Variants in ACAD8 observed in about 807,000 individuals in gnomAD.
ACAD8 encodes the protein isobutyryl-CoA dehydrogenase, mitochondrial.
Under a neutral mutation model 53.1 loss-of-function variants are expected in ACAD8, and 47 were observed. The ratio of observed to expected loss-of-function variants is 0.89; its 90% CI spans 0.70 to 1.13. The LOEUF is 1.13. Among genes scored for constraint, ACAD8 ranks in the 50% most tolerant of loss-of-function variants. The pLI is 0.00. For synonymous variants in ACAD8, 198 were observed against 201.3 expected, an observed-to-expected ratio of 0.98 and a Z score of 0.14; for missense variants, 494 against 535.0, an observed-to-expected ratio of 0.92 and a Z score of 0.76.
intron 1 of ACAD8, among the ~76,000 whole-genome samples, chr11:134,254,337 A>C (rs1939346449): frequency 2.0e-5 from 3 of 152,196 alleles, no homozygotes; most frequent in South Asian, 4.1e-4. Flanking sequence ...AGGAAAAATA[A>C]TTATTATTGC....
rs937253267 is a variant in ACAD8 at position 134,265,193 on chromosome 11, A to G, written c.*233A>G. On this transcript the variant is annotated 3_prime_UTR_variant, in exon 11 of 11. Coordinates refer to ENST00000281182, the MANE Select transcript of ACAD8 (RefSeq NM_014384.3). ...GAGAAACATCAGAAGAACACATACT[A>G]CCTTGTTTTCCTAATGCCAGAAGGG... 2.8e-5 allele frequency: 16 copies of G among 578,122 alleles called. No homozygotes were observed. The highest frequency in any genetic ancestry group is 2.6e-4 in the African/African-American group (14 of 53,610). The allele number at this position is 578,122 out of a possible 1,614,324, so 35.8% of individuals were successfully genotyped here. A position where few individuals can be genotyped will look rare whatever the true frequency, so the allele number is the denominator to read the frequency against.
At chr11:134,253,906 A>G (rs1939288863) in intron 1 of ACAD8, among the ~76,000 whole-genome samples, 197 bp downstream of exon 1, 1 of 133,004 alleles carries the variant, frequency 7.5e-6, no homozygotes, top group African/African-American at 2.9e-5. Context: ...GGTCACCACC[A>G]TCCGGGTCCC....
Position 134,264,962 on chromosome 11 carries a change from A to C in ACAD8, c.*2A>C. 1 of 1,614,076 alleles carries C rather than the reference A, an allele frequency of 6.2e-7. No homozygotes were observed. Among genetic ancestry groups the C allele is most frequent in the South Asian group, 1.1e-5 (1 of 91,078 alleles). On this transcript the variant is annotated 3_prime_UTR_variant, in exon 11 of 11. Coordinates refer to ENST00000281182, the MANE Select transcript of ACAD8 (RefSeq NM_014384.3). Reference sequence around the variant, plus strand: ...TCTAGAAGCCTGCTTCAGGAGTAGAACCCACACTTGTTCTGGCCTGGTGTT... The same window carrying C: ...TCTAGAAGCCTGCTTCAGGAGTAGACCCCACACTTGTTCTGGCCTGGTGTT...
Position 134,258,563 on chromosome 11 carries a change from C to A in ACAD8, c.429C>A (p.His143Gln), listed in dbSNP as rs761751430. The A allele has an allele frequency of 3.7e-6, 6 of 1,613,900 alleles. No individual in the cohort carries two copies. In the African/African-American group the frequency reaches 8.0e-5, roughly 22 times the overall value. The stretch of plus-strand genomic sequence containing the variant: ...GCTTCGGAAATGAGGAACAGAGGCA[C>A]AAATTTTGCCCACCGCTCTGTACCA... ...IDSFGNEEQRHKFCPPLCTME... is the reference protein window; with the variant it reads ...IDSFGNEEQRQKFCPPLCTME... Residue 143 changes from histidine to glutamine, a missense_variant, in exon 4 of 11, where the codon CAC becomes CAA. Coordinates refer to ENST00000281182, the MANE Select transcript of ACAD8 (RefSeq NM_014384.3).
intron 10 of ACAD8, 39 bp from the exon 11 acceptor site, chr11:134,264,869 T>C: frequency 3.8e-6 from 6 of 1,591,058 alleles, no homozygotes; most frequent in Non-Finnish European, 3.5e-6. Context: ...TCTCAGACTT[T>C]GCTGCTGTGA....
rs922458304 is a variant in ACAD8, at chr11:134,253,830, A to G, written c.109+121A>G. ...CCCGGCGTCAGCTCCCCTTCCGGCC[A>G]GTCACCCCCCCGGCCTGGCTCCCTA... On this transcript the variant is annotated intron_variant, in intron 1 of 10. Transcript: ENST00000281182. 23 of 1,080,244 alleles carry G rather than the reference A, an allele frequency of 2.1e-5. No homozygotes were observed. The African/African-American group carries it at 3.3e-4, about 15-fold the overall frequency. The allele number at this position is 1,080,244 out of a possible 1,614,324, so 66.9% of individuals were successfully genotyped here. A position where few individuals can be genotyped will look rare whatever the true frequency, so the allele number is the denominator to read the frequency against.
chr11:134,262,387 T>A, intron 9 of ACAD8, 133 bp from the exon 10 acceptor site: 2 of 688,216 alleles, frequency 2.9e-6, no homozygotes, highest in East Asian at 5.5e-5. Context: ...GAGGCCCTCT[T>A]TGAGCTTGGC....
Position 134,261,744 on chromosome 11 carries a change from C to G in ACAD8, c.946C>G (p.Gln316Glu), listed in dbSNP as rs777450263. ...GEPLASNQYLQFTLADMATRL... is the reference protein window; with the variant it reads ...GEPLASNQYLEFTLADMATRL... Reference sequence around the variant, plus strand: ...TCTGCTCCCTGTGCTGCAGTACTTGCAATTCACACTGGCTGATATGGCAAC... The same window carrying G: ...TCTGCTCCCTGTGCTGCAGTACTTGGAATTCACACTGGCTGATATGGCAAC... Residue 316 changes from glutamine (Q) to glutamate (E), a missense_variant, in exon 9 of 11, where the codon CAA (glutamine) becomes GAA (glutamate). Transcript: ENST00000281182. The surrounding 1 kb of genome is among the most constrained non-coding windows in gnomAD (Gnocchi z 4.2). 1.3e-5 allele frequency: 21 copies of G among 1,613,676 alleles called. No homozygotes were observed. Among genetic ancestry groups the G allele is most frequent in the Non-Finnish European group, 1.6e-5 (19 of 1,180,044 alleles).
intron 10 of ACAD8, chr11:134,262,875 G>A: frequency 7.3e-7 from 1 of 1,378,948 alleles, no homozygotes; most frequent in Non-Finnish European, 9.5e-7. Flanking sequence ...CTGCGAGAAG[G>A]GTGAACTGAG....
chr11:134,257,106 G>A lies in ACAD8; in HGVS notation c.229G>A (p.Val77Met). 6.2e-7 allele frequency: 1 copy of A among 1,614,196 alleles called. No homozygotes were observed. The highest frequency in any genetic ancestry group is 8.5e-7 in the Non-Finnish European group (1 of 1,180,046). ...WDQKELFPVD[V>M]MRKAAQLGFG... is the part of the protein sequence containing the mutation. ...TACATAGGAGCTGTTCCCAGTGGAT[G>A]TGATGCGGAAGGCAGCCCAGCTAGG... Residue 77 changes from valine (V) to methionine (M), a missense_variant, in exon 3 of 11, where the codon GTG becomes ATG. Physicochemically the swap from Val to Met is conservative, Grantham distance 21 (BLOSUM62 1). Coordinates refer to ENST00000281182, the MANE Select transcript of ACAD8 (RefSeq NM_014384.3).
chr11:134,261,957 G>T lies in ACAD8; in HGVS notation c.1092+67G>T. The T allele has an allele frequency of 6.3e-7, 1 of 1,587,664 alleles. No individual in the cohort carries two copies. Among genetic ancestry groups the T allele is most frequent in the Non-Finnish European group, 8.6e-7 (1 of 1,165,304 alleles). On this transcript the variant is annotated intron_variant, in intron 9 of 10. Transcript: ENST00000281182. The surrounding 1 kb of genome is among the most constrained non-coding windows in gnomAD (Gnocchi z 4.2). ...GCTGCTAGGCCCAGGGGTCTTGAGAGACATGAGTCAGATTTGGAACCCAGC... is the reference window on the plus strand; with the variant it reads ...GCTGCTAGGCCCAGGGGTCTTGAGATACATGAGTCAGATTTGGAACCCAGC...
At chr11:134,253,790 G>A (rs913095652) in intron 1 of ACAD8, 81 bp downstream of exon 1, 4 of 1,360,636 alleles carry the variant, frequency 2.9e-6, no homozygotes, top group African/African-American at 2.9e-5. Flanking sequence ...CAGTCTCCCC[G>A]TTCCATCCAG....
intron 1 of ACAD8, among the ~76,000 whole-genome samples, chr11:134,255,147 A>AT (rs2136072536): frequency 6.6e-6 from 1 of 152,102 alleles, no homozygotes; most frequent in Admixed American, 6.6e-5. Context: ...TTATTTATTT[A>AT]TTTTTTTGAG....
At chr11:134,263,709 C>T in intron 10 of ACAD8, 1 of 985,410 alleles carries the variant, frequency 1.0e-6, no homozygotes, top group Non-Finnish European at 1.2e-6. Flanking sequence ...GAAACTTCGC[C>T]TTCATTCTAA....
intron 5 of ACAD8, 38 bp downstream of exon 5, chr11:134,259,122 G>A: frequency 6.3e-7 from 1 of 1,580,348 alleles, no homozygotes; most frequent in Non-Finnish European, 8.7e-7. Flanking sequence ...TTTGGAGATT[G>A]TTCCCAGCTT....
At chr11:134,260,981 C>A in intron 6 of ACAD8, 63 bp from the exon 7 acceptor site, 1 of 1,593,938 alleles carries the variant, frequency 6.3e-7, no homozygotes, top group East Asian at 2.3e-5. Flanking sequence ...GCTCCCGTCC[C>A]CAGGGAAGGC....
chr11:134,263,661 T>A, intron 10 of ACAD8: 5 of 985,184 alleles, frequency 5.1e-6, no homozygotes, highest in Non-Finnish European at 6.0e-6. Context: ...CTTCCATTAC[T>A]CTTGGAATTG....
chr11:134,256,853 A>G (rs1384061048), intron 2 of ACAD8: 3 of 663,806 alleles, frequency 4.5e-6, no homozygotes, highest in Non-Finnish European at 7.6e-6. Context: ...TTGAATAAAG[A>G]TTTGGATATA....
intron 9 of ACAD8, 44 bp from the exon 10 acceptor site, chr11:134,262,476 A>G (rs186125971): frequency 7.3e-7 from 1 of 1,368,220 alleles, no homozygotes; most frequent in Non-Finnish European, 1.0e-6. Context: ...CTTGCTCCAC[A>G]GTCTTCCCAG....
Sources: allele counts gnomAD v4.1 joint callset (sites outside exome capture counted in the v4.1 genomes callset), GRCh38; gene constraint gnomAD v4.1.1; non-coding constraint Gnocchi (gnomAD v3.1); transcripts MANE v1.5; gene names NCBI Gene and HGNC (gene_info 2026-07-23, HGNC 2026-07-21).